The following UCK2 variants were observed in gnomAD, a reference collection of about 807,000 sequenced individuals.
UCK2 encodes cytidine monophosphokinase 2.
UCK2 carries 6 observed loss-of-function variants against 30.8 expected under a neutral mutation model. The observed-to-expected ratio is 0.19, with a 90% CI of 0.11 to 0.38. The LOEUF is 0.38. Ranked by LOEUF, UCK2 falls within the 10% of genes least tolerant of loss-of-function variation. The pLI is 1.00. For missense variants in UCK2, 210 were observed against 339.8 expected (o/e 0.62, Z 3.00); for synonymous variants, 125 against 133.6 (o/e 0.94, Z 0.45).
intron 1 of UCK2, among the ~76,000 whole-genome samples, chr1:165,881,138 A>G (rs1655490374): frequency 7.0e-6 from 1 of 143,158 alleles, no homozygotes; most frequent in South Asian, 2.2e-4. Context: ...ACGCCACTGT[A>G]CTCCAGCCTG....
intron 1 of UCK2, among the ~76,000 whole-genome samples, chr1:165,856,527 C>T (rs1654750960): frequency 6.8e-6 from 1 of 146,354 alleles, no homozygotes; most frequent in Non-Finnish European, 1.5e-5. Context: ...TTTAACCACA[C>T]TACCCTTGGT....
intron 1 of UCK2, among the ~76,000 whole-genome samples, chr1:165,881,183 A>T (rs1173471325): frequency 2.0e-4 from 5 of 25,494 alleles, no homozygotes; most frequent in African/African-American, 8.1e-4. Flanking sequence ...AATAAAACTT[A>T]AAAAAAAAAA....
At chr1:165,872,517 A>G (rs577300586) in intron 1 of UCK2, among the ~76,000 whole-genome samples, 1 of 152,178 alleles carries the variant, frequency 6.6e-6, no homozygotes. Flanking sequence ...AGCTGGGCAT[A>G]TATATGGAAA....
chr1:165,890,778 T>G (rs1571295040), intron 2 of UCK2: 1 of 244,942 alleles, frequency 4.1e-6, no homozygotes, highest in Non-Finnish European at 8.0e-6. Flanking sequence ...GCTGCCAGAG[T>G]GGTTTTTGCC....
intron 1 of UCK2, among the ~76,000 whole-genome samples, chr1:165,878,558 G>A (rs1451849035): frequency 6.6e-6 from 1 of 152,174 alleles, no homozygotes; most frequent in East Asian, 1.9e-4. Context: ...GTTGGCCAGA[G>A]TGGTCTTGAT....
chr1:165,828,528 G>C (rs1653955224), intron 1 of UCK2, among the ~76,000 whole-genome samples: 1 of 152,226 alleles, frequency 6.6e-6, no homozygotes, highest in Non-Finnish European at 1.5e-5. Flanking sequence ...GAGCCAAATA[G>C]GTGCCGTGAC....
At chr1:165,907,582 T>C in intron 6 of UCK2, 102 bp from the exon 7 acceptor site, 1 of 1,482,232 alleles carries the variant, frequency 6.7e-7, no homozygotes. Context: ...CTGGAAGTCT[T>C]TCTACTGTGG....
At chr1:165,835,776 A>C (rs1034937080) in intron 1 of UCK2, among the ~76,000 whole-genome samples, 17 of 152,214 alleles carry the variant, frequency 1.1e-4, no homozygotes, top group Non-Finnish European at 2.1e-4. Context: ...ATATTAATTT[A>C]ATTTCATTTA....
At chr1:165,889,597 G>A (rs1655711293) in intron 1 of UCK2, among the ~76,000 whole-genome samples, 1 of 151,136 alleles carries the variant, frequency 6.6e-6, no homozygotes, top group South Asian at 2.1e-4. Flanking sequence ...CCTGACAGTA[G>A]TAAGCTGTGT....
chr1:165,831,049 A>T (rs1654034425), intron 1 of UCK2, among the ~76,000 whole-genome samples: 2 of 152,124 alleles, frequency 1.3e-5, no homozygotes, highest in Admixed American at 6.5e-5. Context: ...TCGAGGCTGC[A>T]GTGAGCTGTG....
At chr1:165,882,748 A>G (rs550874415) in intron 1 of UCK2, among the ~76,000 whole-genome samples, 147 of 152,326 alleles carry the variant, frequency 9.7e-4, no homozygotes, top group South Asian at 1.9e-3. Flanking sequence ...CCTACCTTCT[A>G]GTACAATCAC....
At position 165,891,016 on chromosome 1, in the gene UCK2, C is replaced by T. The variant is rs545266328; in HGVS notation, c.260-210C>T. On this transcript the variant is annotated intron_variant, in intron 2 of 6. Transcript: ENST00000367879. Reference sequence around the variant, plus strand: ...ATGTCAAAGGAGAGAAAAAAGAAATCTATTTGTCAGAACTCATTTATACAC... The same window carrying T: ...ATGTCAAAGGAGAGAAAAAAGAAATTTATTTGTCAGAACTCATTTATACAC... 39 of 509,930 alleles carry T rather than the reference C, an allele frequency of 7.6e-5. No homozygotes were observed. The East Asian group carries it at 1.3e-3, about 18-fold the overall frequency. The allele number at this position is 509,930 out of a possible 1,614,324, so 31.6% of individuals were successfully genotyped here.
intron 1 of UCK2, among the ~76,000 whole-genome samples, chr1:165,867,945 G>A (rs920973408): frequency 2.0e-5 from 3 of 152,200 alleles, no homozygotes; most frequent in African/African-American, 7.2e-5. Flanking sequence ...CACTATGGCA[G>A]CTGTAGCCTT....
chr1:165,902,960 C>T, intron 4 of UCK2: 1 of 390,610 alleles, frequency 2.6e-6, no homozygotes, highest in East Asian at 4.1e-5. Context: ...TTTCAAAGAG[C>T]ATTGTGTCAT....
In UCK2 at chr1:165,910,603, A is replaced by T. The variant is rs1017447838; in HGVS notation, c.*2780A>T. 1 of 152,414 alleles carries T rather than the reference A, an allele frequency of 6.6e-6. No homozygotes were observed. The highest frequency in any genetic ancestry group is 1.5e-5 in the Non-Finnish European group (1 of 68,196). 9.4% of individuals were successfully genotyped at this position (152,414 alleles called of 1,614,324 possible). ...TGACCCAAGTTTCTTTTTCTCGGGCAGCCTGGGACCACTATGAGCAGAGAG... is the reference window on the plus strand; with the variant it reads ...TGACCCAAGTTTCTTTTTCTCGGGCTGCCTGGGACCACTATGAGCAGAGAG... On this transcript the variant is annotated 3_prime_UTR_variant, in exon 7 of 7. Transcript: ENST00000367879.
At position 165,865,150 on chromosome 1, in the gene UCK2, T is replaced by C. The variant is rs141161839; in HGVS notation, c.100-25054T>C. ...TACTAAAACTTAACAACCCCCATTA[T>C]TGGTGACCATGTAGTTTGTTAATCC... On this transcript the variant is annotated intron_variant, in intron 1 of 6. Transcript: ENST00000367879. Among the ~76,000 whole-genome samples the C allele has an allele frequency of 3.1e-3, 465 of 152,360 alleles. 2 individuals carry two copies. The highest frequency in any genetic ancestry group is 0.011 in the African/African-American group (447 of 41,586).
At chr1:165,831,607 CT>C (rs1654049014) in intron 1 of UCK2, among the ~76,000 whole-genome samples, 1 of 152,178 alleles carries the variant, frequency 6.6e-6, no homozygotes, top group Non-Finnish European at 1.5e-5. Flanking sequence ...CTCCATTACA[CT>C]GCCATCAGAG....
chr1:165,874,713 AG>A (rs1655290903), intron 1 of UCK2, among the ~76,000 whole-genome samples: 1 of 152,174 alleles, frequency 6.6e-6, no homozygotes, highest in African/African-American at 2.4e-5. Flanking sequence ...TTTTAACGTA[AG>A]AATTCCTTTT....
At chr1:165,852,251 A>G (rs1406608411) in intron 1 of UCK2, among the ~76,000 whole-genome samples, 2 of 152,252 alleles carry the variant, frequency 1.3e-5, no homozygotes, top group Non-Finnish European at 2.9e-5. Context: ...ACTTCTGCAC[A>G]GCAAAAGAAA....
Sources: allele counts gnomAD v4.1 joint callset (sites outside exome capture counted in the v4.1 genomes callset), GRCh38; gene constraint gnomAD v4.1.1; transcripts MANE v1.5; gene names NCBI Gene and HGNC (gene_info 2026-07-23, HGNC 2026-07-21).